The following CPA6 variants were observed in gnomAD, a reference collection of about 807,000 sequenced individuals.
CPA6 encodes carboxypeptidase B.
Under a neutral mutation model 63.3 loss-of-function variants are expected in CPA6, and 58 were observed. That is an observed-to-expected ratio of 0.92 (90% CI 0.74 to 1.14). The LOEUF is 1.14. CPA6 is among the 50% of genes most tolerant of loss of function. The pLI, the probability that CPA6 is intolerant of heterozygous loss-of-function variation, is 0.00. For missense variants in CPA6, 565 were observed against 526.6 expected (o/e 1.07, Z -0.71); for synonymous variants, 185 against 179.0 (o/e 1.03, Z -0.27).
intron 2 of CPA6, among the ~76,000 whole-genome samples, chr8:67,614,346 C>T (rs1366684673): frequency 3.3e-5 from 5 of 152,310 alleles, no homozygotes; most frequent in African/African-American, 4.8e-5. Flanking sequence ...TCCCTTTCAT[C>T]AGTACATGGA....
intron 1 of CPA6, among the ~76,000 whole-genome samples, chr8:67,640,603 G>A (rs1365787637): frequency 6.6e-6 from 1 of 151,290 alleles, no homozygotes; most frequent in Non-Finnish European, 1.5e-5. Context: ...GAGGGTAGGG[G>A]TCCTGCCTGT....
intron 2 of CPA6, among the ~76,000 whole-genome samples, chr8:67,622,003 A>G (rs1014848108): frequency 6.6e-6 from 1 of 152,232 alleles, no homozygotes; most frequent in Non-Finnish European, 1.5e-5. Context: ...CTGAGAGTTT[A>G]TAAGTAACCC....
intron 2 of CPA6, among the ~76,000 whole-genome samples, chr8:67,611,275 G>C (rs924233671): frequency 1.3e-5 from 2 of 152,004 alleles, no homozygotes; most frequent in Non-Finnish European, 1.5e-5. Flanking sequence ...GTAGAGACAG[G>C]GTTTTGCCAT....
intron 1 of CPA6, among the ~76,000 whole-genome samples, chr8:67,733,698 A>T (rs777120217): frequency 2.0e-5 from 3 of 151,642 alleles, no homozygotes; most frequent in Admixed American, 6.6e-5. Context: ...ATGGGCACAT[A>T]GTAGGCACTC....
intron 1 of CPA6, among the ~76,000 whole-genome samples, chr8:67,727,315 C>G (rs1817615265): frequency 2.0e-5 from 3 of 152,090 alleles, no homozygotes; most frequent in Admixed American, 2.0e-4. Flanking sequence ...TTGGGGCTCA[C>G]AGAATACCCC....
rs79225438 is a variant in CPA6 at position 67,624,706 on chromosome 8, C to T, written c.117-455G>A. The stretch of plus-strand genomic sequence containing the variant: ...GGAAAGCTTCTGGTTTGAATTCTTC[C>T]CACATGGAGAACAGTAAGGAGAAGC... On this transcript the variant is annotated intron_variant, in intron 1 of 10. Coordinates refer to ENST00000297770, the MANE Select transcript of CPA6 (RefSeq NM_020361.5). 2.6e-3 allele frequency among the ~76,000 whole-genome samples: 403 copies of T among 152,216 alleles called. 11 individuals are homozygous for T. The East Asian group carries it at 0.043, about 16-fold the overall frequency.
intron 1 of CPA6, among the ~76,000 whole-genome samples, chr8:67,681,999 G>T (rs369079503): frequency 6.6e-6 from 1 of 151,820 alleles, no homozygotes; most frequent in Non-Finnish European, 1.5e-5. Flanking sequence ...TAATTCAGGG[G>T]GAAAAAACCT....
chr8:67,706,611 C>G (rs1258770941), intron 1 of CPA6, among the ~76,000 whole-genome samples: 6 of 151,936 alleles, frequency 3.9e-5, no homozygotes, highest in Non-Finnish European at 7.4e-5. Context: ...AAAACAAATT[C>G]TGTGTGAATA....
At chr8:67,631,506 T>C (rs1003778191) in intron 1 of CPA6, among the ~76,000 whole-genome samples, 11 of 152,102 alleles carry the variant, frequency 7.2e-5, no homozygotes, top group Admixed American at 6.5e-4. Flanking sequence ...TCAAGGTTCA[T>C]AAATGCACCA....
At chr8:67,638,879 G>A (rs1461969267) in intron 1 of CPA6, among the ~76,000 whole-genome samples, 1 of 151,414 alleles carries the variant, frequency 6.6e-6, no homozygotes, top group East Asian at 1.9e-4. Flanking sequence ...CTTTTTCAGA[G>A]TCTTTCCTGG....
At chr8:67,667,013 T>C (rs1161591499) in intron 1 of CPA6, among the ~76,000 whole-genome samples, 1 of 151,840 alleles carries the variant, frequency 6.6e-6, no homozygotes, top group Non-Finnish European at 1.5e-5. Flanking sequence ...AGGCATGTGG[T>C]TATTACTGTC....
At chr8:67,731,123 A>C (rs1345036953) in intron 1 of CPA6, among the ~76,000 whole-genome samples, 1 of 152,180 alleles carries the variant, frequency 6.6e-6, no homozygotes, top group African/African-American at 2.4e-5. Context: ...ATTTCATCTA[A>C]CTTTTTTCTT....
chr8:67,477,606 G>A (rs1186766115), intron 8 of CPA6, among the ~76,000 whole-genome samples: 7 of 152,128 alleles, frequency 4.6e-5, no homozygotes, highest in African/African-American at 1.7e-4. Context: ...ATATAAAAGT[G>A]GATTAATGTA....
chr8:67,422,693 TAA>T lies in CPA6; in HGVS notation c.1127-4_1127-3del, dbSNP rs765683293. ...CCATTGAGCTACCAGAGCTCACATC[TAA>T]AAGTTAAAACAAAAAAAAAAAGATC... is the stretch of plus-strand genomic sequence containing the variant. On this transcript the variant is annotated splice_polypyrimidine_tract_variant and splice_region_variant and intron_variant, in intron 10 of 10. Coordinates refer to ENST00000297770, the MANE Select transcript of CPA6 (RefSeq NM_020361.5). 5 of 1,592,008 alleles carry T rather than the reference TAA, an allele frequency of 3.1e-6. No homozygotes were observed. The South Asian group carries it at 4.6e-5, about 15-fold the overall frequency.
Position 67,438,928 on chromosome 8 carries a change from A to G in CPA6, c.839-4688T>C, listed in dbSNP as rs180940499. Among the ~76,000 whole-genome samples, 105 of 152,330 alleles carry G rather than the reference A, an allele frequency of 6.9e-4. 1 individual carries two copies. Among genetic ancestry groups the G allele is most frequent in the African/African-American group, 2.5e-3 (103 of 41,580 alleles). On this transcript the variant is annotated intron_variant, in intron 8 of 10. Coordinates refer to ENST00000297770, the MANE Select transcript of CPA6 (RefSeq NM_020361.5). ...TAACCACCAGAATAAGAAAAATAGA[A>G]CACAAAATTCACAACTAATGGAAGT...
intron 2 of CPA6, among the ~76,000 whole-genome samples, chr8:67,620,075 T>A (rs1815045365): frequency 1.3e-5 from 2 of 152,196 alleles, no homozygotes; most frequent in South Asian, 4.1e-4. Flanking sequence ...AGGACTGATG[T>A]CTCAATTTCC....
At chr8:67,678,013 A>G (rs1816514095) in intron 1 of CPA6, among the ~76,000 whole-genome samples, 1 of 152,142 alleles carries the variant, frequency 6.6e-6, no homozygotes, top group Non-Finnish European at 1.5e-5. Context: ...AGGCAGGCAG[A>G]TCACCTGAGG....
chr8:67,598,893 T>C (rs1345662807), intron 2 of CPA6, among the ~76,000 whole-genome samples: 3 of 150,078 alleles, frequency 2.0e-5, no homozygotes, highest in Non-Finnish European at 1.5e-5. Flanking sequence ...TCATAGTAAT[T>C]CCTTTAAGTG....
rs542641067 is a variant in CPA6, at chr8:67,458,818, A to G, written c.839-24578T>C. On this transcript the variant is annotated intron_variant, in intron 8 of 10. Transcript: ENST00000297770. ...AAGATGCCCCACATCATATGTCATC[A>G]GGGAAATTCCAATTAAAACAAGATG... 2.6e-5 allele frequency among the ~76,000 whole-genome samples: 4 copies of G among 152,390 alleles called. No homozygotes were observed. The South Asian group carries it at 6.2e-4, about 24-fold the overall frequency.
Sources: allele counts gnomAD v4.1 joint callset (sites outside exome capture counted in the v4.1 genomes callset), GRCh38; gene constraint gnomAD v4.1.1; transcripts MANE v1.5; gene names NCBI Gene and HGNC (gene_info 2026-07-23, HGNC 2026-07-21).